NRG1: variants seen among roughly 807,000 people sequenced by gnomAD.
NRG1 encodes neuregulin 1.
Under a neutral mutation model 63.8 loss-of-function variants are expected in NRG1, and 18 were observed. The observed-to-expected ratio is 0.28, with a 90% CI of 0.19 to 0.42. The LOEUF is 0.42. Ranked by LOEUF, NRG1 falls within the 10% of genes least tolerant of loss-of-function variation. NRG1 has a pLI of 1.00. For missense variants in NRG1, 762 were observed against 814.7 expected (o/e 0.94, Z 0.79); for synonymous variants, 302 against 301.3 (o/e 1.00, Z -0.02).
At chr8:32,582,645 A>G (rs1338764219) in intron 1 of NRG1, among the ~76,000 whole-genome samples, 1 of 152,216 alleles carries the variant, frequency 6.6e-6, no homozygotes, top group African/African-American at 2.4e-5. Context: ...TGGCCAAGCC[A>G]TGAGACTTTA....
intron 1 of NRG1, among the ~76,000 whole-genome samples, chr8:31,755,943 G>A (rs1311020786): frequency 2.6e-5 from 4 of 152,114 alleles, no homozygotes; most frequent in Non-Finnish European, 5.9e-5. Context: ...ACCAAGAGGG[G>A]AAGAAAATCT....
chr8:31,641,017 A>T (rs1253071330), intron 1 of NRG1, among the ~76,000 whole-genome samples: 1 of 152,170 alleles, frequency 6.6e-6, no homozygotes, highest in African/African-American at 2.4e-5. Context: ...TAGATCGGAA[A>T]TGTGCCGGCT....
intron 1 of NRG1, among the ~76,000 whole-genome samples, chr8:32,521,579 GTA>G (rs780433784): frequency 1.3e-5 from 2 of 152,028 alleles, no homozygotes; most frequent in South Asian, 2.1e-4. Context: ...GACAGAGAAG[GTA>G]TATTAATATT....
At chr8:32,130,550 A>G (rs1834676465) in intron 1 of NRG1, among the ~76,000 whole-genome samples, 1 of 151,938 alleles carries the variant, frequency 6.6e-6, no homozygotes, top group Admixed American at 6.6e-5. Flanking sequence ...TTTCAAGCCT[A>G]GAGTTCTTAA....
chr8:32,152,205 G>A (rs1837576135), intron 1 of NRG1, among the ~76,000 whole-genome samples: 2 of 152,222 alleles, frequency 1.3e-5, no homozygotes, highest in South Asian at 4.1e-4. Context: ...TCTTCATAGG[G>A]AGATAGCTCT....
intron 1 of NRG1, among the ~76,000 whole-genome samples, chr8:31,891,360 C>A (rs552302427): frequency 2.6e-5 from 4 of 152,018 alleles, no homozygotes; most frequent in Non-Finnish European, 5.9e-5. Context: ...AGAGGATATA[C>A]ATTTGGTGAA....
rs369304311 is a variant in NRG1 at position 32,380,771 on chromosome 8, G to GT, written c.38-215051dup. Among the ~76,000 whole-genome samples the GT allele has an allele frequency of 1.3e-3, 203 of 152,178 alleles. 3 individuals are homozygous for GT. The highest frequency in any genetic ancestry group is 4.7e-3 in the African/African-American group (196 of 41,518). On this transcript the variant is annotated intron_variant, in intron 1 of 10. Coordinates refer to the NRG1 transcript ENST00000519301. ...GTTCACTTTTTAAAACATTTTTTAA[G>GT]TTTTTTGTTAATGCATAATAAATGT... is the stretch of plus-strand genomic sequence containing the variant.
chr8:32,734,887 C>A (rs1342982085), intron 6 of NRG1, among the ~76,000 whole-genome samples: 1 of 152,196 alleles, frequency 6.6e-6, no homozygotes, highest in East Asian at 1.9e-4. Flanking sequence ...ATGAGACAGG[C>A]TCTGTGCTCA....
intron 1 of NRG1, among the ~76,000 whole-genome samples, chr8:32,259,829 A>C (rs763041178): frequency 7.2e-5 from 11 of 152,122 alleles, no homozygotes; most frequent in Non-Finnish European, 1.2e-4. Flanking sequence ...ACTTATGTGG[A>C]CTTTTATGAG....
At chr8:32,243,537 A>C (rs1024734608) in intron 1 of NRG1, among the ~76,000 whole-genome samples, 29 of 151,986 alleles carry the variant, frequency 1.9e-4, no homozygotes, top group African/African-American at 6.5e-4. Flanking sequence ...AAATTATATC[A>C]CATTCTGAGG....
intron 9 of NRG1, 88 bp from the exon 10 acceptor site, chr8:32,759,218 T>C (rs371150999): frequency 7.1e-7 from 1 of 1,410,170 alleles, no homozygotes; most frequent in Non-Finnish European, 9.6e-7. Context: ...TCTGACAGTG[T>C]TAACGTTTTT....
intron 1 of NRG1, among the ~76,000 whole-genome samples, chr8:32,194,627 C>T (rs1563895369): frequency 1.3e-5 from 2 of 152,082 alleles, no homozygotes; most frequent in Non-Finnish European, 2.9e-5. Context: ...AGGGCCATGG[C>T]ATTCAAAACC....
At chr8:31,949,256 C>A (rs1217552287) in intron 1 of NRG1, among the ~76,000 whole-genome samples, 2 of 152,160 alleles carry the variant, frequency 1.3e-5, no homozygotes, top group African/African-American at 4.8e-5. Context: ...GACTTAGATG[C>A]ATTAATTAAC....
At chr8:31,971,385 G>T (rs962660646) in intron 1 of NRG1, among the ~76,000 whole-genome samples, 2 of 152,026 alleles carry the variant, frequency 1.3e-5, no homozygotes, top group Non-Finnish European at 2.9e-5. Context: ...TTTACATTTT[G>T]TGTTTAGGTC....
chr8:32,381,495 C>T (rs1810343941), intron 1 of NRG1, among the ~76,000 whole-genome samples: 1 of 152,068 alleles, frequency 6.6e-6, no homozygotes, highest in African/African-American at 2.4e-5. Flanking sequence ...CAGCACAGTC[C>T]TCAATAAATA....
At chr8:32,290,977 G>T (rs974347648) in intron 1 of NRG1, among the ~76,000 whole-genome samples, 1 of 151,978 alleles carries the variant, frequency 6.6e-6, no homozygotes, top group South Asian at 2.1e-4. Flanking sequence ...AGGTTATGTT[G>T]GCAAGCCAGG....
chr8:32,073,857 T>G (rs1233869993), intron 1 of NRG1, among the ~76,000 whole-genome samples: 1 of 152,224 alleles, frequency 6.6e-6, no homozygotes, highest in East Asian at 1.9e-4. Flanking sequence ...GTTATTTTTT[T>G]CATGTCCTAC....
chr8:32,451,579 C>T (rs1210681622), intron 1 of NRG1, among the ~76,000 whole-genome samples: 1 of 152,160 alleles, frequency 6.6e-6, no homozygotes, highest in Non-Finnish European at 1.5e-5. Context: ...GCAGTCAAAT[C>T]AGGAAATTCA....
At chr8:32,354,230 G>A (rs1051667017) in intron 1 of NRG1, among the ~76,000 whole-genome samples, 7 of 152,026 alleles carry the variant, frequency 4.6e-5, no homozygotes, top group Non-Finnish European at 8.8e-5. Flanking sequence ...TTAGCCAGGC[G>A]TGGTGATGAG....
Sources: allele counts gnomAD v4.1 joint callset (sites outside exome capture counted in the v4.1 genomes callset), GRCh38; gene constraint gnomAD v4.1.1; transcripts MANE v1.5; gene names NCBI Gene and HGNC (gene_info 2026-07-23, HGNC 2026-07-21).